Variants in MBOAT2 observed in about 807,000 individuals in gnomAD.
The protein encoded by MBOAT2 is membrane bound glycerophospholipid O-acyltransferase 2.
MBOAT2 carries 28 observed loss-of-function variants against 63.4 expected under a neutral mutation model. That is an observed-to-expected ratio of 0.44 (90% confidence interval 0.33 to 0.61). The LOEUF (loss-of-function observed/expected upper bound fraction) is 0.61. MBOAT2 is among the 20% of genes least tolerant of loss of function. The pLI, the probability that MBOAT2 is intolerant of heterozygous loss-of-function variation, is 0.03. For missense variants in MBOAT2, 470 were observed against 605.8 expected, an observed-to-expected ratio of 0.78 and a Z score of 2.35; for synonymous variants, 211 against 215.6, an observed-to-expected ratio of 0.98 and a Z score of 0.19.
chr2:8,871,882 G>C (rs1662351435), intron 8 of MBOAT2, among the ~76,000 whole-genome samples: 1 of 152,146 alleles, frequency 6.6e-6, no homozygotes, highest in Non-Finnish European at 1.5e-5. Context: ...ATATAAACAA[G>C]GCAAGCAGAA....
chr2:8,982,124 G>A (rs1209029144), intron 1 of MBOAT2, among the ~76,000 whole-genome samples: 6 of 152,086 alleles, frequency 3.9e-5, no homozygotes, highest in African/African-American at 1.2e-4. Flanking sequence ...GATAACCCAT[G>A]GCAGGGTCTC....
chr2:8,893,859 G>C (rs1347264856), intron 4 of MBOAT2, among the ~76,000 whole-genome samples: 1 of 152,180 alleles, frequency 6.6e-6, no homozygotes, highest in Admixed American at 6.5e-5. Flanking sequence ...ACTGGGATAA[G>C]CAGCAGAACT....
intron 4 of MBOAT2, among the ~76,000 whole-genome samples, chr2:8,889,562 T>TA (rs1558577422): frequency 6.6e-6 from 1 of 152,188 alleles, no homozygotes; most frequent in African/African-American, 2.4e-5. Context: ...CTTTGCAAGA[T>TA]AGATACCCTT....
intron 3 of MBOAT2, among the ~76,000 whole-genome samples, chr2:8,939,647 G>C (rs1345721108): frequency 6.6e-6 from 1 of 152,188 alleles, no homozygotes; most frequent in African/African-American, 2.4e-5. Context: ...GGCTTCCGTG[G>C]CTGCTTTCCA....
intron 6 of MBOAT2, among the ~76,000 whole-genome samples, chr2:8,879,149 A>C (rs898110664): frequency 6.6e-5 from 10 of 152,112 alleles, no homozygotes; most frequent in African/African-American, 2.4e-4. Context: ...ATGACAGAAA[A>C]TGTTTCTGGC....
chr2:8,974,558 C>A (rs1573219390), intron 1 of MBOAT2: 1 of 370,824 alleles, frequency 2.7e-6, no homozygotes, highest in Admixed American at 3.1e-5. Context: ...CAAGAGGTAA[C>A]AGACGTCTCC....
intron 1 of MBOAT2, among the ~76,000 whole-genome samples, chr2:8,994,652 C>T (rs567354642): frequency 6.6e-6 from 1 of 152,310 alleles, no homozygotes; most frequent in South Asian, 2.1e-4. Context: ...ATGGGTCCAC[C>T]TGGAATGCCT....
At chr2:8,892,105 G>A (rs1055319703) in intron 4 of MBOAT2, among the ~76,000 whole-genome samples, 1 of 152,160 alleles carries the variant, frequency 6.6e-6, no homozygotes, top group Non-Finnish European at 1.5e-5. Context: ...AAACTCAAAT[G>A]TAGTTAAACA....
intron 5 of MBOAT2, among the ~76,000 whole-genome samples, chr2:8,884,239 T>A (rs1315132784): frequency 6.8e-6 from 1 of 147,310 alleles, no homozygotes; most frequent in Admixed American, 6.8e-5. Flanking sequence ...CTGAGAAATG[T>A]TGGGGGAGGG....
At chr2:8,876,129 T>G (rs1211666414) in intron 7 of MBOAT2, among the ~76,000 whole-genome samples, 1 of 152,242 alleles carries the variant, frequency 6.6e-6, no homozygotes, top group Non-Finnish European at 1.5e-5. Flanking sequence ...CCAGATGAAA[T>G]CTAACAGAAA....
chr2:8,883,654 G>T (rs1322065960), intron 5 of MBOAT2, among the ~76,000 whole-genome samples: 2 of 152,254 alleles, frequency 1.3e-5, no homozygotes, highest in East Asian at 3.9e-4. Flanking sequence ...GAGGTACCAA[G>T]AGGAACTCAC....
At chr2:8,896,541 T>A (rs917535294) in intron 4 of MBOAT2, among the ~76,000 whole-genome samples, 4 of 152,246 alleles carry the variant, frequency 2.6e-5, no homozygotes, top group Non-Finnish European at 5.9e-5. Flanking sequence ...TAATGCATGT[T>A]ACACTGTTAA....
chr2:8,857,722 CAT>C lies in MBOAT2; in HGVS notation c.*955_*956del, dbSNP rs927637741. On this transcript the variant is annotated 3_prime_UTR_variant, in exon 13 of 13. Coordinates refer to ENST00000305997, the MANE Select transcript of MBOAT2 (RefSeq NM_138799.4). Reference sequence around the variant, plus strand: ...ATTATTTTCAAAGCCTCTAATTCTACATAATTTATGCCTGATAAATTTAATTT... The same window carrying C: ...ATTATTTTCAAAGCCTCTAATTCTACAATTTATGCCTGATAAATTTAATTT... 2.6e-5 allele frequency: 4 copies of C among 152,312 alleles called. No individual in the cohort carries two copies. The highest frequency in any genetic ancestry group is 2.6e-4 in the Admixed American group (4 of 15,304). 9.4% of individuals were successfully genotyped at this position (152,312 alleles called of 1,614,324 possible). A position where few individuals can be genotyped will look rare whatever the true frequency, so the allele number is the denominator to read the frequency against.
At chr2:8,941,882 A>C (rs1408940853) in intron 3 of MBOAT2, among the ~76,000 whole-genome samples, 1 of 152,218 alleles carries the variant, frequency 6.6e-6, no homozygotes, top group African/African-American at 2.4e-5. Flanking sequence ...AAAGCATATT[A>C]CTTTTGCTTT....
At chr2:8,982,142 T>C (rs1671239269) in intron 1 of MBOAT2, among the ~76,000 whole-genome samples, 1 of 152,080 alleles carries the variant, frequency 6.6e-6, no homozygotes, top group African/African-American at 2.4e-5. Context: ...CTCAATACAG[T>C]ACCTGGCACA....
chr2:8,936,786 C>CAAAAAAAAAAAA (rs745694357), intron 3 of MBOAT2, among the ~76,000 whole-genome samples: 8 of 56,060 alleles, frequency 1.4e-4, no homozygotes, highest in Admixed American at 2.2e-4. Flanking sequence ...GACTCCGTCT[C>CAAAAAAAAAAAA]AAAAAAAAAA....
At chr2:8,987,838 T>C (rs1361704617) in intron 1 of MBOAT2, among the ~76,000 whole-genome samples, 1 of 152,210 alleles carries the variant, frequency 6.6e-6, no homozygotes, top group Non-Finnish European at 1.5e-5. Flanking sequence ...TAAAAATATA[T>C]TAACAAAAGT....
At chr2:8,895,667 A>C (rs1433811474) in intron 4 of MBOAT2, among the ~76,000 whole-genome samples, 4 of 150,634 alleles carry the variant, frequency 2.7e-5, no homozygotes, top group African/African-American at 9.8e-5. Context: ...ACTGCTATTG[A>C]GAATTTGGCC....
intron 1 of MBOAT2, among the ~76,000 whole-genome samples, chr2:9,002,449 G>C (rs2103393506): frequency 6.6e-6 from 1 of 152,332 alleles, no homozygotes; most frequent in Middle Eastern, 3.4e-3. Context: ...AATCCCTGAA[G>C]ACTAAATGAC....
Sources: allele counts gnomAD v4.1 joint callset (sites outside exome capture counted in the v4.1 genomes callset), GRCh38; gene constraint gnomAD v4.1.1; transcripts MANE v1.5; gene names NCBI Gene and HGNC (gene_info 2026-07-23, HGNC 2026-07-21).